Variants in RTL4 observed in about 807,000 individuals in gnomAD.
RTL4 encodes the protein retrotransposon Gag like 4.
RTL4 carries 4 observed loss-of-function variants against 5.3 expected under a neutral mutation model. The ratio of observed to expected loss-of-function variants is 0.75; its 90% CI spans 0.37 to 1.72. The LOEUF is 1.72. Among genes scored for constraint, RTL4 ranks in the 40% most tolerant of loss-of-function variants. RTL4 has a pLI of 0.04. For missense variants in RTL4, 260 were observed against 227.1 expected, an observed-to-expected ratio of 1.14 and a Z score of -0.93; for synonymous variants, 98 against 87.3, an observed-to-expected ratio of 1.12 and a Z score of -0.68.
At chrX:112,261,299 T>C in the RTL4 span, among the ~76,000 whole-genome samples, 1,761 of 111,564 alleles carry the variant, frequency 0.016, 34 homozygotes, top group African/African-American at 0.054. Flanking sequence ...AACCGTATCA[T>C]CTCAGCCCAA....
chrX:112,140,083 C>A, the RTL4 span, among the ~76,000 whole-genome samples: 2 of 112,077 alleles, frequency 1.8e-5, no homozygotes, highest in Non-Finnish European at 3.8e-5. Context: ...AGCTATAATC[C>A]AATAATATTA....
chrX:112,198,789 G>T, the RTL4 span, among the ~76,000 whole-genome samples: 4 of 111,075 alleles, frequency 3.6e-5, no homozygotes, highest in Non-Finnish European at 7.5e-5. Flanking sequence ...ATCAGAGATA[G>T]AGCATGTGAT....
the RTL4 span, among the ~76,000 whole-genome samples, chrX:112,286,075 T>C: frequency 1.8e-5 from 2 of 111,142 alleles, no homozygotes; most frequent in African/African-American, 6.5e-5. Flanking sequence ...ACCAAGGAGA[T>C]AGAGAGTGAT....
At chrX:112,117,840 G>C in the RTL4 span, among the ~76,000 whole-genome samples, 2 of 111,279 alleles carry the variant, frequency 1.8e-5, no homozygotes, top group Admixed American at 9.5e-5. Context: ...TTTATCCCAA[G>C]GAAATAATTC....
At chrX:112,218,049 G>A in the RTL4 span, among the ~76,000 whole-genome samples, 1 of 112,032 alleles carries the variant, frequency 8.9e-6, no homozygotes, top group African/African-American at 3.2e-5. Context: ...AGCAGGTATA[G>A]GAAGAGTCAG....
the RTL4 span, among the ~76,000 whole-genome samples, chrX:112,349,659 CTGTT>C: frequency 3.1e-5 from 3 of 95,953 alleles, no homozygotes; most frequent in Admixed American, 1.2e-4. Flanking sequence ...ATTTGGCTCT[CTGTT>C]TGTCTGTTAT....
At chrX:112,355,534 T>G in the RTL4 span, among the ~76,000 whole-genome samples, 1 of 111,534 alleles carries the variant, frequency 9.0e-6, no homozygotes, top group East Asian at 2.8e-4. Flanking sequence ...ACTGGAACTT[T>G]TCTTTCATGC....
At chrX:112,127,593 A>G in the RTL4 span, among the ~76,000 whole-genome samples, 3 of 111,892 alleles carry the variant, frequency 2.7e-5, no homozygotes, top group Non-Finnish European at 5.6e-5. Flanking sequence ...GGTAAGATGA[A>G]GAAATAAAAG....
chrX:112,434,720 G>A, the RTL4 span, among the ~76,000 whole-genome samples: 1 of 111,549 alleles, frequency 9.0e-6, no homozygotes, highest in Non-Finnish European at 1.9e-5. Context: ...TGCTGGACCA[G>A]AAACCAGAAG....
chrX:112,394,869 C>T, the RTL4 span, among the ~76,000 whole-genome samples: 2 of 111,844 alleles, frequency 1.8e-5, no homozygotes, highest in African/African-American at 3.3e-5. Context: ...TATGTACTAA[C>T]GATTTACAAG....
the RTL4 span, among the ~76,000 whole-genome samples, chrX:112,283,562 A>T: frequency 9.0e-6 from 1 of 111,705 alleles, no homozygotes; most frequent in South Asian, 3.8e-4. Context: ...TATTGAATAG[A>T]TAAGAATACG....
the RTL4 span, among the ~76,000 whole-genome samples, chrX:112,214,852 G>T: frequency 9.1e-6 from 1 of 109,782 alleles, no homozygotes; most frequent in African/African-American, 3.3e-5. Context: ...ACAGTGGTGC[G>T]ATCTTGGCTC....
the RTL4 span, among the ~76,000 whole-genome samples, chrX:112,328,406 A>G: frequency 4.5e-5 from 5 of 111,682 alleles, no homozygotes; most frequent in Non-Finnish European, 9.4e-5. Context: ...CAAAAGAGAC[A>G]AAGAAGGCCA....
chrX:112,407,994 C>T, the RTL4 span, among the ~76,000 whole-genome samples: 1 of 112,141 alleles, frequency 8.9e-6, no homozygotes, highest in Non-Finnish European at 1.9e-5. Flanking sequence ...CACCAAAGTC[C>T]TTTTGAATTT....
At chrX:112,324,166 T>C in the RTL4 span, among the ~76,000 whole-genome samples, 1 of 112,541 alleles carries the variant, frequency 8.9e-6, no homozygotes, top group Non-Finnish European at 1.9e-5. Context: ...ACATGTCATA[T>C]AAATAGAATC....
the RTL4 span, among the ~76,000 whole-genome samples, chrX:112,244,564 G>C: frequency 0.24 from 26,409 of 110,102 alleles, 2,949 homozygotes; most frequent in African/African-American, 0.45. Context: ...TTCCTCCATC[G>C]CTTTATTTTG....
chrX:112,204,426 T>C, the RTL4 span, among the ~76,000 whole-genome samples: 2 of 112,225 alleles, frequency 1.8e-5, no homozygotes, highest in African/African-American at 6.5e-5. Context: ...TAAGTGTTCA[T>C]CAACAGGTGA....
chrX:112,304,200 C>A, the RTL4 span, among the ~76,000 whole-genome samples: 2 of 110,618 alleles, frequency 1.8e-5, no homozygotes, highest in East Asian at 5.7e-4. Flanking sequence ...AGTCAGAGAT[C>A]ATCAAATCCA....
At chrX:112,220,147 C>T in the RTL4 span, among the ~76,000 whole-genome samples, 3 of 112,301 alleles carry the variant, frequency 2.7e-5, no homozygotes, top group Non-Finnish European at 3.8e-5. Context: ...TTTCCTAGAA[C>T]ACAATTGGGC....
Sources: allele counts gnomAD v4.1 joint callset (sites outside exome capture counted in the v4.1 genomes callset), GRCh38; gene constraint gnomAD v4.1.1; transcripts MANE v1.5; gene names NCBI Gene and HGNC (gene_info 2026-07-23, HGNC 2026-07-21).